The following MINDY4 variants were observed in gnomAD, a reference collection of about 807,000 sequenced individuals.
MINDY4 encodes the protein MINDY lysine 48 deubiquitinase 4, also known as probable ubiquitin carboxyl-terminal hydrolase MINDY-4.
A neutral mutation model predicts 87.0 loss-of-function variants in MINDY4; 68 were observed. The ratio of observed to expected loss-of-function variants is 0.78; its 90% confidence interval spans 0.64 to 0.96. MINDY4 has a LOEUF of 0.96. Among genes scored for constraint, MINDY4 ranks in the 40% least tolerant of loss-of-function variants. The probability of loss-of-function intolerance (pLI) is 0.00; values close to 1 mark genes in which losing one functional copy is unlikely to be tolerated. For missense variants in MINDY4, 919 were observed against 928.2 expected, an observed-to-expected ratio of 0.99 and a Z score of 0.13; for synonymous variants, 379 against 363.2, an observed-to-expected ratio of 1.04 and a Z score of -0.50.
chr7:30,840,599 G>T (rs1052839794), intron 8 of MINDY4, among the ~76,000 whole-genome samples, 161 bp from the exon 9 acceptor site: 3 of 152,182 alleles, frequency 2.0e-5, no homozygotes, highest in African/African-American at 7.2e-5. Context: ...GTGGCCCAAG[G>T]TTAGTGTGTT....
At chr7:30,829,835 A>G (rs191073346) in intron 6 of MINDY4, among the ~76,000 whole-genome samples, 2 of 152,318 alleles carry the variant, frequency 1.3e-5, no homozygotes, top group East Asian at 3.9e-4. Context: ...GACACAAGAA[A>G]AGCGGTTCCT....
chr7:30,881,340 A>T (rs1790458666), intron 15 of MINDY4, among the ~76,000 whole-genome samples: 1 of 152,128 alleles, frequency 6.6e-6, no homozygotes, highest in African/African-American at 2.4e-5. Flanking sequence ...TCTTCCACAA[A>T]CACTTCCACC....
chr7:30,803,633 A>T (rs1787724744), intron 5 of MINDY4, among the ~76,000 whole-genome samples: 1 of 151,976 alleles, frequency 6.6e-6, no homozygotes, highest in Non-Finnish European at 1.5e-5. Flanking sequence ...AGGCCTTATT[A>T]CTGTGCCTGG....
chr7:30,871,112 C>T (rs1211233386), intron 13 of MINDY4, among the ~76,000 whole-genome samples: 3 of 149,926 alleles, frequency 2.0e-5, no homozygotes, highest in Non-Finnish European at 4.4e-5. Context: ...CTCCCAGGGT[C>T]GTGTGTGCCC....
At chr7:30,823,960 T>C (rs1260039730) in intron 5 of MINDY4, among the ~76,000 whole-genome samples, 2 of 152,254 alleles carry the variant, frequency 1.3e-5, no homozygotes, top group Non-Finnish European at 2.9e-5. Flanking sequence ...AAATTTATGT[T>C]AATTTCTTAT....
At chr7:30,880,448 C>G (rs1790429021) in intron 15 of MINDY4, among the ~76,000 whole-genome samples, 1 of 152,114 alleles carries the variant, frequency 6.6e-6, no homozygotes, top group Non-Finnish European at 1.5e-5. Context: ...CTGTGGGCAG[C>G]TTTTTTCCCT....
chr7:30,890,366 A>G (rs993496208), intron 17 of MINDY4, among the ~76,000 whole-genome samples: 1 of 152,254 alleles, frequency 6.6e-6, no homozygotes, highest in East Asian at 1.9e-4. Flanking sequence ...TGCACGATCT[A>G]TCCTCACAGT....
At chr7:30,839,982 C>T (rs895168879) in intron 8 of MINDY4, among the ~76,000 whole-genome samples, 1 of 152,116 alleles carries the variant, frequency 6.6e-6, no homozygotes, top group Non-Finnish European at 1.5e-5. Context: ...GCCCCAGGAA[C>T]CTCCCCTGCC....
chr7:30,875,973 A>C lies in MINDY4; in HGVS notation c.1971+317A>C, dbSNP rs563311590. On this transcript the variant is annotated intron_variant, in intron 15 of 17. Transcript: ENST00000265299. ...TGGTGGGGGAGCCTTCTCAAGGGACAGGAACTTGAGGTCTTAGGCCTCGTG... is the reference window on the plus strand; with the variant it reads ...TGGTGGGGGAGCCTTCTCAAGGGACCGGAACTTGAGGTCTTAGGCCTCGTG... Among the ~76,000 whole-genome samples the C allele has an allele frequency of 2.7e-4, 41 of 152,336 alleles. 1 individual carries two copies. The South Asian group carries it at 6.2e-3, about 23-fold the overall frequency.
In MINDY4 at chr7:30,789,047, G is replaced by C. The variant is rs78896751; in HGVS notation, c.664-2118G>C. Among the ~76,000 whole-genome samples, 473 of 152,200 alleles carry C rather than the reference G, an allele frequency of 3.1e-3. 1 individual carries two copies. The highest frequency in any genetic ancestry group is 0.011 in the African/African-American group (452 of 41,508). ...CAGCAGTTTTTCCCACTGTTGCTTT[G>C]TGCACAAAGTCAACACAGTGGAAAA... is the stretch of plus-strand genomic sequence containing the variant. On this transcript the variant is annotated intron_variant, in intron 4 of 17. Coordinates refer to ENST00000265299, the MANE Select transcript of MINDY4 (RefSeq NM_032222.3).
rs556791548 is a variant in MINDY4, at chr7:30,843,868, G to T, written c.1445+3020G>T. Among the ~76,000 whole-genome samples the T allele has an allele frequency of 2.0e-3, 306 of 152,324 alleles. 2 individuals carry two copies. Among genetic ancestry groups the T allele is most frequent in the South Asian group, 2.3e-3 (11 of 4,832 alleles). On this transcript the variant is annotated intron_variant, in intron 9 of 17. Transcript: ENST00000265299. Reference sequence around the variant, plus strand: ...GGAGGGAAGAAGGAGCTGCTGGCCTGTTGGGGGTCATCATGTGTGGAGGTG... The same window carrying T: ...GGAGGGAAGAAGGAGCTGCTGGCCTTTTGGGGGTCATCATGTGTGGAGGTG...
At chr7:30,782,339 T>C (rs577157006) in intron 3 of MINDY4, 127 bp downstream of exon 3, 12 of 627,402 alleles carry the variant, frequency 1.9e-5, no homozygotes, top group African/African-American at 1.7e-4. Context: ...TGTGTGTGTA[T>C]GTTTGTGTGT....
chr7:30,789,002 C>G (rs1787240454), intron 4 of MINDY4, among the ~76,000 whole-genome samples: 1 of 152,174 alleles, frequency 6.6e-6, no homozygotes, highest in African/African-American at 2.4e-5. Context: ...GTTGCCATTG[C>G]CTTGATTCAT....
At chr7:30,826,166 C>T (rs1788495727) in intron 5 of MINDY4, among the ~76,000 whole-genome samples, 1 of 152,202 alleles carries the variant, frequency 6.6e-6, no homozygotes, top group Non-Finnish European at 1.5e-5. Context: ...AGATCCTTCA[C>T]TTATTCTTAT....
chr7:30,854,918 G>A (rs1789526695), intron 12 of MINDY4, among the ~76,000 whole-genome samples: 1 of 152,228 alleles, frequency 6.6e-6, no homozygotes, highest in Non-Finnish European at 1.5e-5. Flanking sequence ...TGTCCCAAAA[G>A]CATGGATTAG....
intron 5 of MINDY4, among the ~76,000 whole-genome samples, chr7:30,810,555 C>T (rs1199771330): frequency 2.0e-5 from 3 of 152,118 alleles, no homozygotes; most frequent in African/African-American, 7.2e-5. Flanking sequence ...GGGGTATCAT[C>T]CAGTTTTTCT....
chr7:30,782,140 T>G lies in MINDY4; in HGVS notation c.347T>G (p.Leu116Arg). Residue 116 changes from leucine to arginine, a missense_variant, in exon 3 of 18, where the codon CTG becomes CGG. Leu to Arg is a moderately radical substitution (Grantham distance 102, BLOSUM62 -2). Transcript: ENST00000265299. ...CCATCAAGATGCTCAGAGACTACAC[T>G]GGTAAATATATATGACCTTTCAGAT... ...KVPSRCSETT[L>R]VNIYDLSDED... is the part of the protein sequence containing the mutation. The G allele has an allele frequency of 1.9e-6, 3 of 1,614,120 alleles. No individual in the cohort carries two copies. The highest frequency in any genetic ancestry group is 2.5e-6 in the Non-Finnish European group (3 of 1,180,026).
At chr7:30,865,159 C>T (rs1413896303) in intron 13 of MINDY4, among the ~76,000 whole-genome samples, 2 of 152,200 alleles carry the variant, frequency 1.3e-5, no homozygotes, top group African/African-American at 4.8e-5. Context: ...TCTGCACCGA[C>T]ACCTGGCTTT....
At chr7:30,772,850 TAGAG>T (rs1282615865) in intron 1 of MINDY4, among the ~76,000 whole-genome samples, 7 of 152,248 alleles carry the variant, frequency 4.6e-5, no homozygotes, top group African/African-American at 1.4e-4. Context: ...AAAAAACTCT[TAGAG>T]AGGGCTTCCT....
Sources: allele counts gnomAD v4.1 joint callset (sites outside exome capture counted in the v4.1 genomes callset), GRCh38; gene constraint gnomAD v4.1.1; transcripts MANE v1.5; gene names NCBI Gene and HGNC (gene_info 2026-07-23, HGNC 2026-07-21).